Variants in PCDHB8 observed in about 807,000 individuals in gnomAD.
PCDHB8 encodes the protein protocadherin beta 8.
For missense variants in PCDHB8, 836 were observed against 1,004.0 expected (o/e 0.83, Z 2.26); for synonymous variants, 385 against 448.5 (o/e 0.86, Z 1.79).
Position 141,179,682 on chromosome 5 carries a change from G to A in PCDHB8, c.1648G>A (p.Val550Met). 1 of 1,612,344 alleles carries A rather than the reference G, an allele frequency of 6.2e-7. No individual in the cohort carries two copies. Among genetic ancestry groups the A allele is most frequent in the Non-Finnish European group, 8.5e-7 (1 of 1,179,836 alleles). Residue 550 changes from valine to methionine, a missense_variant, in exon 1 of 1, where the codon GTG becomes ATG. Transcript: ENST00000239444. The part of the protein sequence containing the change: ...PALSSEALVR[V>M]LVLDANDNSP... The stretch of plus-strand genomic sequence containing the variant: ...TTTGAGCAGCGAGGCGCTGGTGCGC[G>A]TGCTGGTGCTGGACGCCAACGACAA...
chr5:141,179,336 A>C lies in PCDHB8; in HGVS notation c.1302A>C (p.Thr434=). 1 of 1,614,230 alleles carries C rather than the reference A, an allele frequency of 6.2e-7. No homozygotes were observed. Among genetic ancestry groups the C allele is most frequent in the South Asian group, 1.1e-5 (1 of 91,090 alleles). The part of the protein sequence containing the change: ...VTDLGTPRLT[T]HLNMTVLVSD... The stretch of plus-strand genomic sequence containing the variant: ...ACTTAGGGACACCCAGGCTGACAAC[A>C]CATCTCAATATGACCGTGCTGGTGT... Residue 434 remains threonine (T), a synonymous_variant, in exon 1 of 1, where the codon ACA becomes ACC. Transcript: ENST00000239444.
rs1554281680 is a variant in PCDHB8, at chr5:141,180,276, C to T, written c.2242C>T (p.Gln748Ter). The T allele has an allele frequency of 2.5e-6, 4 of 1,614,002 alleles. No homozygotes were observed. The highest frequency in any genetic ancestry group is 3.4e-6 in the Non-Finnish European group (4 of 1,179,980). ...VDVRGTGSLS[Q>*]NYQYEVCLAG... is the part of the protein sequence containing the mutation. Reference sequence around the variant, plus strand: ...CGTGAGGGGCACCGGGAGCCTGTCTCAGAACTATCAGTACGAGGTGTGCCT... The same window carrying T: ...CGTGAGGGGCACCGGGAGCCTGTCTTAGAACTATCAGTACGAGGTGTGCCT... The change falls in exon 1 of 1, where the codon CAG (glutamine) becomes TAG (stop). Residue 748 changes from glutamine to a stop codon, truncating the protein, a stop_gained. Transcript: ENST00000239444. LOFTEE classifies it low-confidence loss of function (END_TRUNC).
rs1395325958 is a variant in PCDHB8 at position 141,179,926 on chromosome 5, T to G, written c.1892T>G (p.Leu631Arg). The G allele has an allele frequency of 1.2e-6, 2 of 1,608,984 alleles. No homozygotes were observed. The highest frequency in any genetic ancestry group is 1.7e-6 in the Non-Finnish European group (2 of 1,179,564). The stretch of plus-strand genomic sequence containing the variant: ...GGCGAGGTGCGCACCGCCAGGCTGC[T>G]GAGCGAGCGCGACGCGGCCAAGCAG... ...HNGEVRTARL[L>R]SERDAAKQRL... The change falls in exon 1 of 1, where the codon CTG (leucine) becomes CGG (arginine). Residue 631 changes from leucine to arginine, a missense_variant. By Grantham distance (102) the Leu-to-Arg change is moderately radical. Coordinates refer to ENST00000239444, the MANE Select transcript of PCDHB8 (RefSeq NM_019120.5).
Position 141,180,029 on chromosome 5 carries a change from C to G in PCDHB8, c.1995C>G (p.Asp665Glu), listed in dbSNP as rs755868664. Reference sequence around the variant, plus strand: ...CCACGCTGCACGTGCTCCTGGTGGACGGCTTCTCCCAGCCCTACCTGCCGC... The same window carrying G: ...CCACGCTGCACGTGCTCCTGGTGGAGGGCTTCTCCCAGCCCTACCTGCCGC... ...ATATLHVLLV[D>E]GFSQPYLPLP... The change falls in exon 1 of 1, where the codon GAC (aspartate) becomes GAG (glutamate). Residue 665 changes from aspartate to glutamate, a missense_variant. Coordinates refer to ENST00000239444, the MANE Select transcript of PCDHB8 (RefSeq NM_019120.5). The G allele has an allele frequency of 3.1e-6, 5 of 1,609,114 alleles. No individual in the cohort carries two copies. The highest frequency in any genetic ancestry group is 2.2e-5 in the South Asian group (2 of 90,994).
Position 141,179,433 on chromosome 5 carries a change from C to A in PCDHB8, c.1399C>A (p.Pro467Thr). Residue 467 changes from proline to threonine, a missense_variant, in exon 1 of 1, where the codon CCC becomes ACC. Physicochemically the swap from Pro to Thr is conservative, Grantham distance 38. Coordinates refer to ENST00000239444, the MANE Select transcript of PCDHB8 (RefSeq NM_019120.5). ...YTLFVRENNSPALHIGSVSAT... is the reference protein window; with the variant it reads ...YTLFVRENNSTALHIGSVSAT... ...CCTGTTCGTCCGCGAGAACAACAGCCCCGCCCTGCACATCGGCAGCGTCAG... is the reference window on the plus strand; with the variant it reads ...CCTGTTCGTCCGCGAGAACAACAGCACCGCCCTGCACATCGGCAGCGTCAG... 1 of 1,614,152 alleles carries A rather than the reference C, an allele frequency of 6.2e-7. No homozygotes were observed. Among genetic ancestry groups the A allele is most frequent in the Non-Finnish European group, 8.5e-7 (1 of 1,180,042 alleles).
rs200520596 is a variant in PCDHB8, at chr5:141,180,407, G to A, written c.2373G>A (p.Arg791=). The A allele has an allele frequency of 1.2e-6, 2 of 1,600,938 alleles. No individual in the cohort carries two copies. Among genetic ancestry groups the A allele is most frequent in the East Asian group, 4.5e-5 (2 of 44,548 alleles). ...AAATGGAACAAAACTCTAACTTTAG[G>A]AATGGCTTTGGTTTCAGCCTTCAGT... is the stretch of plus-strand genomic sequence containing the variant. ...GPEMEQNSNF[R]NGFGFSLQLK is the part of the protein sequence containing the mutation. The change falls in exon 1 of 1, where the codon AGG becomes AGA. Residue 791 remains arginine, a synonymous_variant. Coordinates refer to ENST00000239444, the MANE Select transcript of PCDHB8 (RefSeq NM_019120.5).
chr5:141,180,318 A>C lies in PCDHB8; in HGVS notation c.2284A>C (p.Thr762Pro). The change falls in exon 1 of 1, where the codon ACG becomes CCG. Residue 762 changes from threonine (T) to proline (P), a missense_variant. Transcript: ENST00000239444. ...YEVCLAGGSGTNEFQLLKPVL... is the reference protein window; with the variant it reads ...YEVCLAGGSGPNEFQLLKPVL... ...GGTGTGCCTGGCAGGAGGCTCAGGGACGAATGAGTTCCAGCTCCTGAAACC... is the reference window on the plus strand; with the variant it reads ...GGTGTGCCTGGCAGGAGGCTCAGGGCCGAATGAGTTCCAGCTCCTGAAACC... 1 of 1,614,064 alleles carries C rather than the reference A, an allele frequency of 6.2e-7. No homozygotes were observed. The highest frequency in any genetic ancestry group is 8.5e-7 in the Non-Finnish European group (1 of 1,179,962).
chr5:141,179,266 A>G lies in PCDHB8; in HGVS notation c.1232A>G (p.Asp411Gly). Residue 411 changes from aspartate to glycine, a missense_variant, in exon 1 of 1, where the codon GAC becomes GGC. Transcript: ENST00000239444. Reference protein sequence around the residue: ...FYTLLTETPLDRESRAEYNVT... With the variant: ...FYTLLTETPLGRESRAEYNVT... ...ACCCTACTAACAGAGACACCACTAG[A>G]CAGAGAAAGCAGAGCCGAGTACAAC... is the stretch of plus-strand genomic sequence containing the variant. 1.9e-6 allele frequency: 3 copies of G among 1,614,198 alleles called. No individual in the cohort carries two copies. The highest frequency in any genetic ancestry group is 3.3e-5 in the Admixed American group (2 of 60,034).
Position 141,178,922 on chromosome 5 carries a change from T to C in PCDHB8, c.888T>C (p.Asp296=). 1 of 1,614,262 alleles carries C rather than the reference T, an allele frequency of 6.2e-7. No individual in the cohort carries two copies. Among genetic ancestry groups the C allele is most frequent in the South Asian group, 1.1e-5 (1 of 91,086 alleles). The change falls in exon 1 of 1, where the codon GAT becomes GAC. Residue 296 remains aspartate (D), a synonymous_variant. Transcript: ENST00000239444. ...SDEISKTFKV[D]FLTGEIRLKK... The stretch of plus-strand genomic sequence containing the variant: ...AGATAAGCAAAACTTTTAAGGTCGA[T>C]TTCTTGACAGGAGAAATTCGACTAA...
At position 141,180,336 on chromosome 5, in the gene PCDHB8, C is replaced by T. The variant is rs782708680; in HGVS notation, c.2302C>T (p.Leu768=). The T allele has an allele frequency of 1.2e-6, 2 of 1,614,176 alleles. No individual in the cohort carries two copies. Among genetic ancestry groups the T allele is most frequent in the Non-Finnish European group, 8.5e-7 (1 of 1,180,032 alleles). The change falls in exon 1 of 1, where the codon CTG becomes TTG. Residue 768 remains leucine (L), a synonymous_variant. Coordinates refer to ENST00000239444, the MANE Select transcript of PCDHB8 (RefSeq NM_019120.5). ...CTCAGGGACGAATGAGTTCCAGCTC[C>T]TGAAACCAGTATTACCTAATATTCA... ...GGSGTNEFQL[L]KPVLPNIQGH...
At position 141,179,989 on chromosome 5, in the gene PCDHB8, C is replaced by A. The variant is rs571141703; in HGVS notation, c.1955C>A (p.Pro652Gln). 8 of 1,608,658 alleles carry A rather than the reference C, an allele frequency of 5.0e-6. No individual in the cohort carries two copies. The highest frequency in any genetic ancestry group is 5.1e-6 in the Non-Finnish European group (6 of 1,179,738). Residue 652 changes from proline (P) to glutamine (Q), a missense_variant, in exon 1 of 1, where the codon CCG (proline) becomes CAG (glutamine). Physicochemically the swap from Pro to Gln is moderately conservative, Grantham distance 76. Transcript: ENST00000239444. ...VVLVKDNGEP[P>Q]CSATATLHVL... is the part of the protein sequence containing the mutation. ...CTGGTCAAGGACAATGGCGAGCCTC[C>A]GTGCTCGGCCACCGCCACGCTGCAC... is the stretch of plus-strand genomic sequence containing the variant.
Position 141,178,842 on chromosome 5 carries a change from G to GTAGA in PCDHB8, c.809_812dup (p.Thr272ArgfsTer18). On this transcript the variant is annotated frameshift_variant, in exon 1 of 1. Coordinates refer to ENST00000239444, the MANE Select transcript of PCDHB8 (RefSeq NM_019120.5). LOFTEE classifies it low-confidence loss of function (END_TRUNC). ...GGTTGTGAAGGTCTCTGCCACGGAT[G>GTAGA]TAGACACAGGAGTCAACGGAGAGAT... 6.2e-7 allele frequency: 1 copy of GTAGA among 1,614,268 alleles called. No homozygotes were observed. Among genetic ancestry groups the GTAGA allele is most frequent in the Non-Finnish European group, 8.5e-7 (1 of 1,180,048 alleles).
rs17096954 is a variant in PCDHB8 at position 141,178,729 on chromosome 5, A to C, written c.695A>C (p.Glu232Ala). The C allele has an allele frequency of 6.4e-7, 1 of 1,565,354 alleles. No homozygotes were observed. Among genetic ancestry groups the C allele is most frequent in the South Asian group, 1.1e-5 (1 of 87,686 alleles). The change falls in exon 1 of 1, where the codon GAA becomes GCA. Residue 232 changes from glutamate to alanine, a missense_variant. Physicochemically the swap from Glu to Ala is moderately radical, Grantham distance 107. Coordinates refer to ENST00000239444, the MANE Select transcript of PCDHB8 (RefSeq NM_019120.5). ...TCTGGCACTGCTCAGGTCTACATTG[A>C]AGTTGTCGATGTCAATGATAATGCC... ...PRSGTAQVYI[E>A]VVDVNDNAPE...
chr5:141,177,855 C>T lies in PCDHB8; in HGVS notation c.-180C>T, dbSNP rs2149656045. The T allele has an allele frequency of 1.6e-6, 1 of 625,154 alleles. No homozygotes were observed. Among genetic ancestry groups the T allele is most frequent in the Admixed American group, 3.0e-5 (1 of 33,756 alleles). 38.7% of individuals were successfully genotyped at this position (625,154 alleles called of 1,614,324 possible). ...TGCAGCTCCATTAACCGGCAAAAAG[C>T]AGCAGAACCTGGAAGTCCACGGGGA... is the stretch of plus-strand genomic sequence containing the variant. On this transcript the variant is annotated 5_prime_UTR_variant, in exon 1 of 1. Coordinates refer to ENST00000239444, the MANE Select transcript of PCDHB8 (RefSeq NM_019120.5).
At position 141,180,304 on chromosome 5, in the gene PCDHB8, C is replaced by T. The variant is rs782446642; in HGVS notation, c.2270C>T (p.Ala757Val). 1 of 1,614,064 alleles carries T rather than the reference C, an allele frequency of 6.2e-7. No homozygotes were observed. Among genetic ancestry groups the T allele is most frequent in the Non-Finnish European group, 8.5e-7 (1 of 1,179,962 alleles). The part of the protein sequence containing the change: ...SQNYQYEVCL[A>V]GGSGTNEFQL... ...AACTATCAGTACGAGGTGTGCCTGG[C>T]AGGAGGCTCAGGGACGAATGAGTTC... Residue 757 changes from alanine (A) to valine (V), a missense_variant, in exon 1 of 1, where the codon GCA becomes GTA. Transcript: ENST00000239444.
In PCDHB8 at chr5:141,179,230, G is replaced by T; in HGVS notation, c.1196G>T (p.Gly399Val). 1 of 1,614,182 alleles carries T rather than the reference G, an allele frequency of 6.2e-7. No homozygotes were observed. Among genetic ancestry groups the T allele is most frequent in the Non-Finnish European group, 8.5e-7 (1 of 1,180,046 alleles). Residue 399 changes from glycine to valine, a missense_variant, in exon 1 of 1, where the codon GGG becomes GTG. By Grantham distance (109) the Gly-to-Val change is moderately radical. Coordinates refer to ENST00000239444, the MANE Select transcript of PCDHB8 (RefSeq NM_019120.5). Reference sequence around the variant, plus strand: ...CCCTTCCTCCTGAAATCTTCTGTGGGGAACTTTTACACCCTACTAACAGAG... The same window carrying T: ...CCCTTCCTCCTGAAATCTTCTGTGGTGAACTTTTACACCCTACTAACAGAG... Reference protein sequence around the residue: ...DLPFLLKSSVGNFYTLLTETP... With the variant: ...DLPFLLKSSVVNFYTLLTETP...
chr5:141,180,279 A>T lies in PCDHB8; in HGVS notation c.2245A>T (p.Asn749Tyr). The stretch of plus-strand genomic sequence containing the variant: ...GAGGGGCACCGGGAGCCTGTCTCAG[A>T]ACTATCAGTACGAGGTGTGCCTGGC... Reference protein sequence around the residue: ...DVRGTGSLSQNYQYEVCLAGG... With the variant: ...DVRGTGSLSQYYQYEVCLAGG... The change falls in exon 1 of 1, where the codon AAC becomes TAC. Residue 749 changes from asparagine (N) to tyrosine (Y), a missense_variant. Asn to Tyr is a moderately radical substitution (Grantham distance 143). Coordinates refer to ENST00000239444, the MANE Select transcript of PCDHB8 (RefSeq NM_019120.5). The T allele has an allele frequency of 6.2e-7, 1 of 1,613,972 alleles. No individual in the cohort carries two copies. Among genetic ancestry groups the T allele is most frequent in the Non-Finnish European group, 8.5e-7 (1 of 1,179,964 alleles).
In PCDHB8 at chr5:141,179,971, A is replaced by G. The variant is rs201448607; in HGVS notation, c.1937A>G (p.Lys646Arg). ...AAKQRLVVLV[K>R]DNGEPPCSAT... ...AAGCAGAGGCTGGTGGTGCTGGTCAAGGACAATGGCGAGCCTCCGTGCTCG... is the reference window on the plus strand; with the variant it reads ...AAGCAGAGGCTGGTGGTGCTGGTCAGGGACAATGGCGAGCCTCCGTGCTCG... Residue 646 changes from lysine (K) to arginine (R), a missense_variant, in exon 1 of 1, where the codon AAG becomes AGG. Lys to Arg is a conservative substitution (Grantham distance 26). Transcript: ENST00000239444. 3.2e-5 allele frequency: 51 copies of G among 1,608,730 alleles called. No homozygotes were observed. The African/African-American group carries it at 6.4e-4, about 20-fold the overall frequency.
At position 141,179,893 on chromosome 5, in the gene PCDHB8, C is replaced by G. The variant is rs1554281443; in HGVS notation, c.1859C>G (p.Ala620Gly). The change falls in exon 1 of 1, where the codon GCG becomes GGG. Residue 620 changes from alanine to glycine, a missense_variant. Physicochemically the swap from Ala to Gly is moderately conservative, Grantham distance 60. Transcript: ENST00000239444. ...ATEPGLFGVW[A>G]HNGEVRTARL... ...GAGCCCGGGCTGTTCGGTGTGTGGG[C>G]GCACAATGGCGAGGTGCGCACCGCC... The G allele has an allele frequency of 6.2e-7, 1 of 1,609,368 alleles. No individual in the cohort carries two copies. Among genetic ancestry groups the G allele is most frequent in the Admixed American group, 1.7e-5 (1 of 59,972 alleles).
Sources: gnomAD v4.1 joint callset for allele counts on GRCh38, gnomAD v4.1.1 for gene constraint, MANE v1.5 for transcripts, NCBI Gene and HGNC (gene_info 2026-07-23, HGNC 2026-07-21) for gene names.